Variants in TAX1BP1 observed in about 807,000 individuals in gnomAD.
TAX1BP1 encodes the protein Tax1 binding protein 1, also known as tax1-binding protein 1.
Under a neutral mutation model 97.7 loss-of-function variants are expected in TAX1BP1, and 62 were observed. That is an observed-to-expected ratio of 0.63 (90% CI 0.52 to 0.78). The LOEUF is 0.78. Ranked by LOEUF, TAX1BP1 falls within the 30% of genes least tolerant of loss-of-function variation. TAX1BP1 has a pLI of 0.00. For synonymous variants in TAX1BP1, 340 were observed against 304.2 expected (o/e 1.12, Z -1.23); for missense variants, 867 against 916.1 (o/e 0.95, Z 0.69).
At chr7:27,760,937 T>G (rs1341472390) in intron 3 of TAX1BP1, among the ~76,000 whole-genome samples, 2 of 152,228 alleles carry the variant, frequency 1.3e-5, no homozygotes, top group East Asian at 1.9e-4. Context: ...GGTTTTAGAA[T>G]TTTGAAAAGA....
chr7:27,766,721 G>A (rs1788661511), intron 4 of TAX1BP1, among the ~76,000 whole-genome samples: 1 of 152,100 alleles, frequency 6.6e-6, no homozygotes, highest in South Asian at 2.1e-4. Flanking sequence ...ACCGATTTGG[G>A]GATGAAGCTG....
chr7:27,748,457 C>A, intron 1 of TAX1BP1, 61 bp from the exon 2 acceptor site: 1 of 1,168,650 alleles, frequency 8.6e-7, no homozygotes, highest in Non-Finnish European at 1.1e-6. Context: ...TATGTATTTT[C>A]TGAAGGCATA....
At chr7:27,787,374 T>C (rs778458225) in intron 7 of TAX1BP1, 44 bp from the exon 8 acceptor site, 1 of 1,501,130 alleles carries the variant, frequency 6.7e-7, no homozygotes. Flanking sequence ...CTAACTTAGG[T>C]CATGGAGTTA....
intron 5 of TAX1BP1, among the ~76,000 whole-genome samples, chr7:27,775,769 A>G (rs1052593100): frequency 1.3e-5 from 2 of 152,178 alleles, no homozygotes; most frequent in African/African-American, 4.8e-5. Context: ...GGACCCCAGC[A>G]TGCTCAAGAC....
chr7:27,772,503 CT>C (rs1397273902), intron 5 of TAX1BP1: 1 of 151,896 alleles, frequency 6.6e-6, no homozygotes, highest in Non-Finnish European at 1.5e-5. Context: ...CATTTCCATT[CT>C]TTTATAAAAT....
intron 2 of TAX1BP1, among the ~76,000 whole-genome samples, chr7:27,756,757 A>T (rs1357209177): frequency 6.6e-6 from 1 of 152,042 alleles, no homozygotes; most frequent in Admixed American, 6.5e-5. Context: ...TCTTCCAACA[A>T]CTGTGAAAGG....
intron 1 of TAX1BP1, among the ~76,000 whole-genome samples, chr7:27,741,651 C>T (rs1432240648): frequency 6.6e-6 from 1 of 152,012 alleles, no homozygotes; most frequent in Non-Finnish European, 1.5e-5. Context: ...CAGGCGCGCA[C>T]CACCACACTG....
intron 1 of TAX1BP1, among the ~76,000 whole-genome samples, chr7:27,741,522 A>G (rs1182246057): frequency 3.5e-5 from 5 of 142,548 alleles, no homozygotes; most frequent in African/African-American, 1.3e-4. Context: ...TTTCCTTGAG[A>G]TGGAGTCTTG....
At chr7:27,767,992 T>C (rs1228695159) in intron 4 of TAX1BP1, among the ~76,000 whole-genome samples, 1 of 152,004 alleles carries the variant, frequency 6.6e-6, no homozygotes, top group Non-Finnish European at 1.5e-5. Context: ...TAAAAGTGAT[T>C]AGTGAGACAT....
intron 5 of TAX1BP1, among the ~76,000 whole-genome samples, chr7:27,774,198 CTATCTT>C (rs139808195): frequency 0.076 from 11,567 of 152,092 alleles, 621 homozygotes; most frequent in Non-Finnish European, 0.11. Context: ...ACCTCTTAAG[CTATCTT>C]TATCTTTTTG....
At chr7:27,800,219 G>A (rs2128320179) in intron 13 of TAX1BP1, 129 bp downstream of exon 13, 1 of 884,782 alleles carries the variant, frequency 1.1e-6, no homozygotes, top group East Asian at 3.1e-5. Flanking sequence ...AAATAAAAAT[G>A]TACTATATAT....
chr7:27,810,102 T>TCTCTACTA (rs1790498701), intron 13 of TAX1BP1, among the ~76,000 whole-genome samples: 1 of 152,066 alleles, frequency 6.6e-6, no homozygotes, highest in Admixed American at 6.5e-5. Context: ...AGAGACAAGG[T>TCTCTACTA]TTCACTGTGT....
chr7:27,747,173 A>C (rs1231669249), intron 1 of TAX1BP1, among the ~76,000 whole-genome samples: 7 of 152,344 alleles, frequency 4.6e-5, no homozygotes, highest in Admixed American at 2.0e-4. Context: ...AAGCAAGTGC[A>C]GTCAGGACAG....
At chr7:27,780,054 T>TA (rs1479983886) in intron 5 of TAX1BP1, among the ~76,000 whole-genome samples, 1 of 152,200 alleles carries the variant, frequency 6.6e-6, no homozygotes, top group Non-Finnish European at 1.5e-5. Flanking sequence ...GATATGTAGT[T>TA]ACTATGGTTG....
chr7:27,769,992 C>T (rs1413072306), intron 5 of TAX1BP1, among the ~76,000 whole-genome samples, 158 bp downstream of exon 5: 1 of 152,034 alleles, frequency 6.6e-6, no homozygotes, highest in East Asian at 1.9e-4. Flanking sequence ...TTCCTATTAA[C>T]CTTCTGCCAC....
At position 27,793,170 on chromosome 7, in the gene TAX1BP1, C is replaced by G; in HGVS notation, c.1368C>G (p.Cys456Trp). The G allele has an allele frequency of 6.3e-7, 1 of 1,591,284 alleles. No homozygotes were observed. The highest frequency in any genetic ancestry group is 8.5e-7 in the Non-Finnish European group (1 of 1,174,854). The change falls in exon 10 of 17, where the codon TGC (cysteine) becomes TGG (tryptophan). Residue 456 changes from cysteine to tryptophan, a missense_variant. Physicochemically the swap from Cys to Trp is radical, Grantham distance 215. Transcript: ENST00000396319. ...ADHYKEKFKE[C>W]QRLQKQINKL... The stretch of plus-strand genomic sequence containing the variant: ...ATTATAAAGAAAAATTTAAGGAATG[C>G]CAAAGGCTCCAAAAACAAATAAACA...
chr7:27,821,485 T>A (rs1011313531), intron 15 of TAX1BP1, among the ~76,000 whole-genome samples: 3 of 151,570 alleles, frequency 2.0e-5, no homozygotes, highest in Non-Finnish European at 2.9e-5. Flanking sequence ...ACAAAAAAAA[T>A]TTATCTGGGC....
At chr7:27,779,305 G>T (rs894400337) in intron 5 of TAX1BP1, among the ~76,000 whole-genome samples, 3 of 152,046 alleles carry the variant, frequency 2.0e-5, no homozygotes, top group African/African-American at 7.2e-5. Context: ...CTAGATTTTT[G>T]ATTTTTGAGG....
intron 13 of TAX1BP1, among the ~76,000 whole-genome samples, chr7:27,808,763 G>GT (rs149480517): frequency 0.018 from 2,746 of 152,316 alleles, 46 homozygotes; most frequent in East Asian, 0.082. Context: ...AGCTGGAACA[G>GT]TAAGAGATGA....
Sources: allele counts gnomAD v4.1 joint callset (sites outside exome capture counted in the v4.1 genomes callset), GRCh38; gene constraint gnomAD v4.1.1; transcripts MANE v1.5; gene names NCBI Gene and HGNC (gene_info 2026-07-23, HGNC 2026-07-21).